Variants in ZDHHC14 observed in about 807,000 individuals in gnomAD.
ZDHHC14 encodes the protein zDHHC palmitoyltransferase 14, also known as palmitoyltransferase ZDHHC14.
Under a neutral mutation model 47.7 loss-of-function variants are expected in ZDHHC14, and 16 were observed. The ratio of observed to expected loss-of-function variants is 0.34; its 90% CI spans 0.23 to 0.51. The LOEUF is 0.51. Ranked by LOEUF, ZDHHC14 falls within the 20% of genes least tolerant of loss-of-function variation. The pLI is 0.97. For synonymous variants in ZDHHC14, 293 were observed against 278.9 expected (o/e 1.05, Z -0.50); for missense variants, 515 against 662.5 (o/e 0.78, Z 2.44).
At chr6:157,541,624 T>C (rs1451813960) in intron 1 of ZDHHC14, among the ~76,000 whole-genome samples, 1 of 152,158 alleles carries the variant, frequency 6.6e-6, no homozygotes, top group Non-Finnish European at 1.5e-5. Context: ...CCAATGCCCA[T>C]GATGTTATTT....
In ZDHHC14 at chr6:157,628,464, C is replaced by T. The variant is rs759107492; in HGVS notation, c.681C>T (p.Phe227=). The change falls in exon 4 of 9, where the codon TTC becomes TTT. Residue 227 remains phenylalanine (F), a synonymous_variant. Transcript: ENST00000359775. The part of the protein sequence containing the change: ...LSFLTVFIFA[F]VITHVILRSQ... Reference sequence around the variant, plus strand: ...TTCTGACAGTCTTTATATTTGCATTCGTTATCACCCACGTCATTCTTCGTA... The same window carrying T: ...TTCTGACAGTCTTTATATTTGCATTTGTTATCACCCACGTCATTCTTCGTA... 1.1e-5 allele frequency: 18 copies of T among 1,612,534 alleles called. No individual in the cohort carries two copies. In the South Asian group the frequency reaches 1.5e-4, roughly 14 times the overall value.
chr6:157,517,983 G>C (rs928032159), intron 1 of ZDHHC14, among the ~76,000 whole-genome samples: 2 of 151,982 alleles, frequency 1.3e-5, no homozygotes, highest in Middle Eastern at 3.2e-3. Context: ...AGTCATCCTA[G>C]GATGCACGTC....
chr6:157,428,095 A>G (rs1313317022), intron 1 of ZDHHC14, among the ~76,000 whole-genome samples: 1 of 152,152 alleles, frequency 6.6e-6, no homozygotes, highest in Non-Finnish European at 1.5e-5. Context: ...TTCAACCTCA[A>G]TATTTTCTGC....
chr6:157,395,296 A>T (rs1777498912), intron 1 of ZDHHC14, among the ~76,000 whole-genome samples: 1 of 150,842 alleles, frequency 6.6e-6, no homozygotes, highest in Non-Finnish European at 1.5e-5. Context: ...GAGTAGCTGG[A>T]ACTGCAGGCA....
Position 157,463,762 on chromosome 6 carries a change from C to T in ZDHHC14, c.246-78823C>T, listed in dbSNP as rs1222407288. Among the ~76,000 whole-genome samples, 1 of 152,230 alleles carries T rather than the reference C, an allele frequency of 6.6e-6. No homozygotes were observed. ...TAACACCAGCCGGCACAGTGGTTCA[C>T]ATCTGTAATCCCAGCACTTTGGGTG... On this transcript the variant is annotated intron_variant, in intron 1 of 8. Coordinates refer to ENST00000359775, the MANE Select transcript of ZDHHC14 (RefSeq NM_024630.3). The surrounding 1 kb of genome is among the most constrained non-coding windows in gnomAD (Gnocchi z 4.4).
chr6:157,478,291 G>A (rs1779539795), intron 1 of ZDHHC14, among the ~76,000 whole-genome samples: 1 of 152,140 alleles, frequency 6.6e-6, no homozygotes, highest in African/African-American at 2.4e-5. Context: ...TTGTAAGTTA[G>A]GAAGCATAGT....
chr6:157,570,804 C>T (rs34616551), intron 2 of ZDHHC14, among the ~76,000 whole-genome samples: 75,365 of 150,532 alleles, frequency 0.5, 19,271 homozygotes, highest in African/African-American at 0.63. Flanking sequence ...CATATATATA[C>T]ACACACACAC....
rs184988413 is a variant in ZDHHC14 at position 157,425,628 on chromosome 6, A to G, written c.245+43362A>G. Among the ~76,000 whole-genome samples the G allele has an allele frequency of 5.4e-4, 82 of 152,310 alleles. No homozygotes were observed. In the East Asian group the frequency reaches 0.015, roughly 28 times the overall value. ...TCCATCATTACTTCATTAACTAAGC[A>G]TTTTTGAAGAGGGATCTTTTCAAAA... On this transcript the variant is annotated intron_variant, in intron 1 of 8. Coordinates refer to ENST00000359775, the MANE Select transcript of ZDHHC14 (RefSeq NM_024630.3).
At chr6:157,658,081 A>G (rs528543619) in intron 8 of ZDHHC14, among the ~76,000 whole-genome samples, 3 of 152,332 alleles carry the variant, frequency 2.0e-5, no homozygotes, top group Admixed American at 2.0e-4. Context: ...AGTGTCGGCT[A>G]TTATTATTAT....
At chr6:157,634,232 G>T (rs779166481) in intron 5 of ZDHHC14, among the ~76,000 whole-genome samples, 5 of 152,146 alleles carry the variant, frequency 3.3e-5, no homozygotes, top group African/African-American at 4.8e-5. Context: ...TTTAAACTCA[G>T]ATCTGTACTG....
At chr6:157,476,455 A>G (rs1779485706) in intron 1 of ZDHHC14, among the ~76,000 whole-genome samples, 1 of 152,202 alleles carries the variant, frequency 6.6e-6, no homozygotes, top group Non-Finnish European at 1.5e-5. Context: ...TGATAGCTTC[A>G]CTGCTGAATT....
intron 3 of ZDHHC14, among the ~76,000 whole-genome samples, chr6:157,605,163 G>A (rs1583008370): frequency 6.6e-6 from 1 of 152,228 alleles, no homozygotes; most frequent in South Asian, 2.1e-4. Flanking sequence ...CTTAATATGT[G>A]TTTGCACATT....
chr6:157,580,520 G>C lies in ZDHHC14; in HGVS notation c.407-12468G>C, dbSNP rs557562595. Among the ~76,000 whole-genome samples, 94 of 152,000 alleles carry C rather than the reference G, an allele frequency of 6.2e-4. 1 individual carries two copies. The Middle Eastern group carries it at 0.01, about 17-fold the overall frequency. On this transcript the variant is annotated intron_variant, in intron 2 of 8. Coordinates refer to ENST00000359775, the MANE Select transcript of ZDHHC14 (RefSeq NM_024630.3). ...TCGGCTGTGAATCCATCTGGTCCTG[G>C]GCTTTTCTTGGTTAGTAAGCTTTTT...
At chr6:157,400,658 A>G (rs181068044) in intron 1 of ZDHHC14, among the ~76,000 whole-genome samples, 57 of 152,304 alleles carry the variant, frequency 3.7e-4, no homozygotes, top group African/African-American at 1.3e-3. Flanking sequence ...GCTGCTGCCC[A>G]TGGATGTCAG....
intron 1 of ZDHHC14, among the ~76,000 whole-genome samples, chr6:157,402,525 C>T (rs1030433792): frequency 1.3e-5 from 2 of 152,250 alleles, no homozygotes; most frequent in African/African-American, 2.4e-5. Flanking sequence ...TCCTCCACTT[C>T]ATCCTCCCTT....
intron 1 of ZDHHC14, among the ~76,000 whole-genome samples, chr6:157,382,776 A>G (rs1055960973): frequency 1.3e-5 from 2 of 152,202 alleles, no homozygotes; most frequent in African/African-American, 4.8e-5. Flanking sequence ...AATCTTGGCT[A>G]TTTCAGGTTT....
intron 1 of ZDHHC14, among the ~76,000 whole-genome samples, chr6:157,393,390 G>C (rs1309640838): frequency 6.6e-6 from 1 of 152,218 alleles, no homozygotes; most frequent in Non-Finnish European, 1.5e-5. Flanking sequence ...CTTATCAGCG[G>C]AGGAATGGCG....
chr6:157,627,405 G>A (rs575032287), intron 3 of ZDHHC14, among the ~76,000 whole-genome samples: 2 of 152,360 alleles, frequency 1.3e-5, no homozygotes, highest in East Asian at 3.9e-4. Context: ...GCCACAGGCA[G>A]TCTTGTATGA....
In ZDHHC14 at chr6:157,447,647, AG is replaced by A. The variant is rs535019738; in HGVS notation, c.245+65383del. 7.1e-3 allele frequency among the ~76,000 whole-genome samples: 1,084 copies of A among 152,320 alleles called. 14 individuals carry two copies. Among genetic ancestry groups the A allele is most frequent in the African/African-American group, 0.024 (985 of 41,582 alleles). ...CAGGGTGAGGAAGACCCGGGGGTCC[AG>A]GTATCCTGAATCGGAAGTTGTCCTC... On this transcript the variant is annotated intron_variant, in intron 1 of 8. Transcript: ENST00000359775.
Sources: allele counts gnomAD v4.1 joint callset (sites outside exome capture counted in the v4.1 genomes callset), GRCh38; gene constraint gnomAD v4.1.1; non-coding constraint Gnocchi (gnomAD v3.1); transcripts MANE v1.5; gene names NCBI Gene and HGNC (gene_info 2026-07-23, HGNC 2026-07-21).